MYBL2: variants seen among roughly 807,000 people sequenced by gnomAD.
The protein encoded by MYBL2 is myb-related protein B.
Under a neutral mutation model 79.9 loss-of-function variants are expected in MYBL2, and 28 were observed. That is an observed-to-expected ratio of 0.35 (90% CI 0.26 to 0.48). MYBL2 has a LOEUF of 0.48. Ranked by LOEUF, MYBL2 falls within the 20% of genes least tolerant of loss-of-function variation. MYBL2 has a pLI of 0.99. For missense variants in MYBL2, 735 were observed against 893.9 expected, an observed-to-expected ratio of 0.82 and a Z score of 2.27; for synonymous variants, 378 against 361.2, an observed-to-expected ratio of 1.05 and a Z score of -0.53.
At chr20:43,704,179 A>AT (rs557811408) in intron 8 of MYBL2, among the ~76,000 whole-genome samples, 20 of 151,654 alleles carry the variant, frequency 1.3e-4, no homozygotes, top group African/African-American at 4.1e-4. Context: ...ATGCCCGGCT[A>AT]TTTTTTTTGT....
At chr20:43,706,520 C>T (rs1987785758) in intron 9 of MYBL2, among the ~76,000 whole-genome samples, 1 of 151,782 alleles carries the variant, frequency 6.6e-6, no homozygotes, top group African/African-American at 2.4e-5. Context: ...GGAATTTTAG[C>T]CCTGATAGTG....
At chr20:43,699,314 G>A (rs565589210) in intron 6 of MYBL2, among the ~76,000 whole-genome samples, 2 of 152,270 alleles carry the variant, frequency 1.3e-5, no homozygotes, top group Non-Finnish European at 2.9e-5. Context: ...CCAAAGTGTT[G>A]GGATTACAGG....
At chr20:43,702,938 G>A (rs375933343) in intron 8 of MYBL2, 35 bp downstream of exon 8, 59 of 1,557,106 alleles carry the variant, frequency 3.8e-5, no homozygotes, top group Admixed American at 2.3e-4. Flanking sequence ...TTATTGGGTC[G>A]GTACAGACAC....
intron 13 of MYBL2, 101 bp from the exon 14 acceptor site, chr20:43,715,858 G>T: frequency 7.0e-7 from 1 of 1,427,746 alleles, no homozygotes; most frequent in Non-Finnish European, 9.4e-7. Flanking sequence ...GCTTCTAGGG[G>T]AGGGAGGCTT....
At position 43,687,047 on chromosome 20, in the gene MYBL2, G is replaced by A. The variant is rs1987293649; in HGVS notation, c.475G>A (p.Glu159Lys). ...CAAGGTGCTGGGCAACCGCTGGGCC[G>A]AGATCGCCAAGATGTTGCCAGGGAG... ...AHKVLGNRWAEIAKMLPGRTD... is the reference protein window; with the variant it reads ...AHKVLGNRWAKIAKMLPGRTD... Residue 159 changes from glutamate (E) to lysine (K), a missense_variant, in exon 5 of 14, where the codon GAG (glutamate) becomes AAG (lysine). Transcript: ENST00000217026. 1.2e-6 allele frequency: 2 copies of A among 1,613,230 alleles called. No homozygotes were observed. Among genetic ancestry groups the A allele is most frequent in the Non-Finnish European group, 1.7e-6 (2 of 1,179,972 alleles).
chr20:43,680,788 T>A (rs1190531866), intron 2 of MYBL2, among the ~76,000 whole-genome samples: 1 of 152,192 alleles, frequency 6.6e-6, no homozygotes, highest in Non-Finnish European at 1.5e-5. Context: ...CCACTGCGCC[T>A]GGCTTGACAT....
chr20:43,694,846 G>A (rs1362897380), intron 6 of MYBL2, among the ~76,000 whole-genome samples: 1 of 152,130 alleles, frequency 6.6e-6, no homozygotes, highest in Non-Finnish European at 1.5e-5. Context: ...GAAACAGCGG[G>A]CATCAGCCGA....
intron 2 of MYBL2, among the ~76,000 whole-genome samples, chr20:43,675,370 A>C (rs901515692): frequency 2.0e-5 from 3 of 151,142 alleles, no homozygotes; most frequent in Non-Finnish European, 2.9e-5. Flanking sequence ...CTGAAGTGCA[A>C]TGGCGTGATC....
Position 43,667,321 on chromosome 20 carries a change from G to A in MYBL2, c.20+18G>A. On this transcript the variant is annotated intron_variant, in intron 1 of 13. Coordinates refer to ENST00000217026, the MANE Select transcript of MYBL2 (RefSeq NM_002466.4). ...ACGCGCTGGTGAGACGAGCCGGGAG[G>A]GCTTGGGCCCCTCCCCCTCCCTTTA... 8.1e-7 allele frequency: 1 copy of A among 1,230,412 alleles called. No homozygotes were observed. 76.2% of individuals were successfully genotyped at this position (1,230,412 alleles called of 1,614,324 possible).
chr20:43,685,788 A>G (rs1444793286), intron 4 of MYBL2, among the ~76,000 whole-genome samples: 3 of 152,128 alleles, frequency 2.0e-5, no homozygotes, highest in Admixed American at 2.0e-4. Flanking sequence ...CTATAATCCC[A>G]GCACTTTGGG....
chr20:43,670,960 C>CTTTTTTT (rs766959084), intron 1 of MYBL2, among the ~76,000 whole-genome samples: 5 of 144,572 alleles, frequency 3.5e-5, no homozygotes, highest in South Asian at 2.2e-4. Flanking sequence ...CCTATGATTT[C>CTTTTTTT]TTTTTTTTCT....
At chr20:43,701,305 G>A (rs285166) in intron 7 of MYBL2, among the ~76,000 whole-genome samples, 138,420 of 152,310 alleles carry the variant, frequency 0.91, 62,998 homozygotes, top group South Asian at 0.93. Context: ...AGACACTGTC[G>A]GTGCTGGGTC....
chr20:43,687,797 C>T (rs1302527166), intron 5 of MYBL2, among the ~76,000 whole-genome samples: 1 of 151,982 alleles, frequency 6.6e-6, no homozygotes, highest in Non-Finnish European at 1.5e-5. Flanking sequence ...GGGTGGATCA[C>T]TTGAGGTCAG....
intron 9 of MYBL2, 105 bp from the exon 10 acceptor site, chr20:43,709,858 T>A (rs1987866264): frequency 1.1e-6 from 1 of 921,468 alleles, no homozygotes. Context: ...CGAGAACCTG[T>A]GCTGGGGCCA....
chr20:43,669,328 A>T (rs994945329), intron 1 of MYBL2, among the ~76,000 whole-genome samples: 60 of 152,128 alleles, frequency 3.9e-4, no homozygotes, highest in African/African-American at 1.4e-3. Flanking sequence ...GTTCAGGAAG[A>T]GTTATTCCAG....
intron 5 of MYBL2, among the ~76,000 whole-genome samples, chr20:43,688,955 A>T (rs1028404442): frequency 6.6e-6 from 1 of 151,842 alleles, no homozygotes; most frequent in Non-Finnish European, 1.5e-5. Context: ...ACACCTGACT[A>T]ATTTTTGTAT....
At chr20:43,670,661 A>G (rs545616523) in intron 1 of MYBL2, among the ~76,000 whole-genome samples, 2 of 152,298 alleles carry the variant, frequency 1.3e-5, no homozygotes, top group East Asian at 3.9e-4. Flanking sequence ...AGGGCCCGAG[A>G]CAGGAGGGTT....
chr20:43,675,520 C>T (rs1322050664), intron 2 of MYBL2, among the ~76,000 whole-genome samples: 3 of 152,048 alleles, frequency 2.0e-5, no homozygotes, highest in African/African-American at 7.2e-5. Context: ...ACCATGTTGG[C>T]CAGGCTAGTC....
Position 43,683,615 on chromosome 20 carries a change from G to A in MYBL2, c.279+729G>A, listed in dbSNP as rs1227672120. On this transcript the variant is annotated intron_variant, in intron 4 of 13. Coordinates refer to ENST00000217026, the MANE Select transcript of MYBL2 (RefSeq NM_002466.4). ...GTCGCTCAGGTTAGAGTGCAGTGGC[G>A]CGATCTCAGCTCACTGCATCCTCCG... 2.0e-5 allele frequency among the ~76,000 whole-genome samples: 3 copies of A among 149,436 alleles called. No homozygotes were observed. In the East Asian group the frequency reaches 5.9e-4, roughly 30 times the overall value.
Sources: gnomAD v4.1 joint callset for allele counts (sites outside exome capture counted in the v4.1 genomes callset) on GRCh38, gnomAD v4.1.1 for gene constraint, MANE v1.5 for transcripts, NCBI Gene and HGNC (gene_info 2026-07-23, HGNC 2026-07-21) for gene names.